The following PCDHGA3 variants were observed in gnomAD, a reference collection of about 807,000 sequenced individuals.
PCDHGA3 encodes the protein protocadherin gamma-A3.
In PCDHGA3, 40 loss-of-function variants were observed where a neutral mutation model predicts 58.5. The observed-to-expected ratio is 0.68, with a 90% CI of 0.53 to 0.89. PCDHGA3 has a LOEUF of 0.89. Ranked by LOEUF, PCDHGA3 falls within the 40% of genes least tolerant of loss-of-function variation. The pLI is 0.00. For synonymous variants in PCDHGA3, 530 were observed against 525.7 expected (o/e 1.01, Z -0.11); for missense variants, 1,223 against 1,195.9 (o/e 1.02, Z -0.33).
chr5:141,426,898 C>G (rs1246109323), intron 1 of PCDHGA3: 3 of 456,634 alleles, frequency 6.6e-6, no homozygotes, highest in Admixed American at 4.7e-5. Context: ...CAACAGAGCT[C>G]TCATCTCCTG....
At chr5:141,426,655 A>C (rs2096950037) in intron 1 of PCDHGA3, 1 of 424,748 alleles carries the variant, frequency 2.4e-6, no homozygotes, top group Non-Finnish European at 4.8e-6. Flanking sequence ...ATGATAGAAG[A>C]TATAAATGAT....
rs759226115 is a variant in PCDHGA3 at position 141,405,385 on chromosome 5, AT to A, written c.2424+58936del. On this transcript the variant is annotated intron_variant, in intron 1 of 3. Transcript: ENST00000253812. ...ACACCCCTTTGGTTCCGGTGAGTTC[AT>A]TTTTTTTCTTTCTTTCTTTTCTTTT... 1.8e-5 allele frequency: 29 copies of A among 1,599,886 alleles called. No homozygotes were observed. In the East Asian group the frequency reaches 2.2e-4, roughly 12 times the overall value.
chr5:141,362,633 T>G (rs1561527667), intron 1 of PCDHGA3: 1 of 1,490,046 alleles, frequency 6.7e-7, no homozygotes, highest in Non-Finnish European at 9.0e-7. Flanking sequence ...CACTGCGTAT[T>G]TCTTTGTCTG....
rs762910422 is a variant in PCDHGA3, at chr5:141,485,747, C to T, written c.2425-9060C>T. ...GAAGCGCAGCGACGGCAGCCTGGTCCCAGAGCTGCTCCTGGAGAAGCCTTT... is the reference window on the plus strand; with the variant it reads ...GAAGCGCAGCGACGGCAGCCTGGTCTCAGAGCTGCTCCTGGAGAAGCCTTT... On this transcript the variant is annotated intron_variant, in intron 1 of 3. Coordinates refer to ENST00000253812, the MANE Select transcript of PCDHGA3 (RefSeq NM_018916.4). This position sits in a 1 kb window ranked among gnomAD's most constrained non-coding sequence, Gnocchi z 5.7. 1 of 1,614,162 alleles carries T rather than the reference C, an allele frequency of 6.2e-7. No individual in the cohort carries two copies.
At chr5:141,458,513 G>GT (rs537551567) in intron 1 of PCDHGA3, among the ~76,000 whole-genome samples, 9,886 of 146,106 alleles carry the variant, frequency 0.068, 671 homozygotes, top group African/African-American at 0.18. Flanking sequence ...TTGACACTTT[G>GT]TTTTTTTTTT....
chr5:141,476,366 G>T lies in PCDHGA3; in HGVS notation c.2425-18441G>T, dbSNP rs1025903110. The T allele has an allele frequency of 6.2e-7, 1 of 1,614,026 alleles. No individual in the cohort carries two copies. The highest frequency in any genetic ancestry group is 8.5e-7 in the Non-Finnish European group (1 of 1,180,028). On this transcript the variant is annotated intron_variant, in intron 1 of 3. Coordinates refer to ENST00000253812, the MANE Select transcript of PCDHGA3 (RefSeq NM_018916.4). The surrounding 1 kb of genome is among the most constrained non-coding windows in gnomAD (Gnocchi z 7.6). The stretch of plus-strand genomic sequence containing the variant: ...ATTCTTTGAGGTGAACCGGGAGACC[G>T]GAGAGATGTTTGTGAACGACCGTCT...
Position 141,491,075 on chromosome 5 carries a change from A to G in PCDHGA3, c.2425-3732A>G, listed in dbSNP as rs147291399. ...TGGCTCTCCTACTCACTGTTGCCAC[A>G]GTCCACAGCCCCAGGACTGTTCCTC... is the stretch of plus-strand genomic sequence containing the variant. On this transcript the variant is annotated intron_variant, in intron 1 of 3. Coordinates refer to ENST00000253812, the MANE Select transcript of PCDHGA3 (RefSeq NM_018916.4). This position sits in a 1 kb window ranked among gnomAD's most constrained non-coding sequence, Gnocchi z 6.9. 1.2e-6 allele frequency: 2 copies of G among 1,614,080 alleles called. No individual in the cohort carries two copies. Among genetic ancestry groups the G allele is most frequent in the Non-Finnish European group, 8.5e-7 (1 of 1,180,042 alleles).
At chr5:141,353,412 A>T (rs1414392171) in intron 1 of PCDHGA3, among the ~76,000 whole-genome samples, 1 of 152,176 alleles carries the variant, frequency 6.6e-6, no homozygotes, top group Non-Finnish European at 1.5e-5. Context: ...ATCTTCATCA[A>T]TTACATTCTA....
chr5:141,427,611 G>A (rs747386422), intron 1 of PCDHGA3: 22 of 691,570 alleles, frequency 3.2e-5, no homozygotes, highest in Non-Finnish European at 5.5e-5. Context: ...CATTGGTGAA[G>A]TCAACGACAA....
chr5:141,423,766 C>A, intron 1 of PCDHGA3: 1 of 1,110,086 alleles, frequency 9.0e-7, no homozygotes, highest in Non-Finnish European at 1.1e-6. Context: ...GGGGGTGGGG[C>A]GGCATATATT....
chr5:141,371,489 C>G (rs548103153), intron 1 of PCDHGA3: 1 of 1,613,918 alleles, frequency 6.2e-7, no homozygotes, highest in Non-Finnish European at 8.5e-7. Context: ...TGGGGACTGC[C>G]GTTGCCCTGA....
chr5:141,375,369 C>A lies in PCDHGA3; in HGVS notation c.2424+28912C>A. On this transcript the variant is annotated intron_variant, in intron 1 of 3. Coordinates refer to ENST00000253812, the MANE Select transcript of PCDHGA3 (RefSeq NM_018916.4). ...ACTGTGACAGCCACGGACAAAGGAA[C>A]ACCACCTCTGTCTACAGAAACAATC... 1 of 1,613,892 alleles carries A rather than the reference C, an allele frequency of 6.2e-7. No individual in the cohort carries two copies. Among genetic ancestry groups the A allele is most frequent in the South Asian group, 1.1e-5 (1 of 91,084 alleles).
intron 1 of PCDHGA3, chr5:141,375,875 T>C: frequency 6.2e-7 from 1 of 1,613,778 alleles, no homozygotes; most frequent in Non-Finnish European, 8.5e-7. Flanking sequence ...GGACAGAGAC[T>C]CGGGCCAGAA....
chr5:141,372,091 C>A, intron 1 of PCDHGA3: 2 of 1,613,774 alleles, frequency 1.2e-6, no homozygotes, highest in Non-Finnish European at 1.7e-6. Flanking sequence ...CTGTACCCAG[C>A]TCTGGGGCCC....
At position 141,511,146 on chromosome 5, in the gene PCDHGA3, G is replaced by T; in HGVS notation, c.2772G>T (p.Lys924Asn). 1 of 1,614,208 alleles carries T rather than the reference G, an allele frequency of 6.2e-7. No individual in the cohort carries two copies. Among genetic ancestry groups the T allele is most frequent in the Non-Finnish European group, 8.5e-7 (1 of 1,180,018 alleles). The change falls in exon 4 of 4, where the codon AAG becomes AAT. Residue 924 changes from lysine to asparagine, a missense_variant. Lys to Asn is a moderately conservative substitution (Grantham distance 94). Coordinates refer to ENST00000253812, the MANE Select transcript of PCDHGA3 (RefSeq NM_018916.4). Reference protein sequence around the residue: ...KAPAGGNGNKKKSGKKEKK With the variant: ...KAPAGGNGNKNKSGKKEKK The stretch of plus-strand genomic sequence containing the variant: ...CAGCAGGTGGCAATGGCAACAAGAA[G>T]AAGTCGGGCAAGAAGGAGAAGAAGT...
Position 141,490,924 on chromosome 5 carries a change from C to A in PCDHGA3, c.2425-3883C>A. 1 of 1,613,680 alleles carries A rather than the reference C, an allele frequency of 6.2e-7. No individual in the cohort carries two copies. Among genetic ancestry groups the A allele is most frequent in the Non-Finnish European group, 8.5e-7 (1 of 1,179,694 alleles). On this transcript the variant is annotated intron_variant, in intron 1 of 3. Coordinates refer to ENST00000253812, the MANE Select transcript of PCDHGA3 (RefSeq NM_018916.4). The surrounding 1 kb of genome is among the most constrained non-coding windows in gnomAD (Gnocchi z 5.4). ...TGTCCTAGACGAGAATGATAATGCC[C>A]CAGCTGTGCTGCACCCACGGCCAGA...
chr5:141,415,755 T>C (rs753465209), intron 1 of PCDHGA3: 19 of 1,387,632 alleles, frequency 1.4e-5, no homozygotes, highest in Middle Eastern at 2.6e-4. Flanking sequence ...TTTTTTTTTT[T>C]TTTTTTTTTT....
At chr5:141,383,236 A>G in intron 1 of PCDHGA3, 1 of 1,613,978 alleles carries the variant, frequency 6.2e-7, no homozygotes, top group Non-Finnish European at 8.5e-7. Context: ...GATGGAAGAT[A>G]AAATGAATCT....
rs1390739125 is a variant in PCDHGA3 at position 141,490,094 on chromosome 5, C to T, written c.2425-4713C>T. ...CTAGACTATTCTTTTGGAGACCACA[C>T]ATCTGAGGCAGTGCGGAACCTCTTT... On this transcript the variant is annotated intron_variant, in intron 1 of 3. Coordinates refer to ENST00000253812, the MANE Select transcript of PCDHGA3 (RefSeq NM_018916.4). This position sits in a 1 kb window ranked among gnomAD's most constrained non-coding sequence, Gnocchi z 5.4. 1 of 1,614,250 alleles carries T rather than the reference C, an allele frequency of 6.2e-7. No individual in the cohort carries two copies. The highest frequency in any genetic ancestry group is 2.2e-5 in the East Asian group (1 of 44,888).
Sources: allele counts gnomAD v4.1 joint callset (sites outside exome capture counted in the v4.1 genomes callset), GRCh38; gene constraint gnomAD v4.1.1; non-coding constraint Gnocchi (gnomAD v3.1); transcripts MANE v1.5; gene names NCBI Gene and HGNC (gene_info 2026-07-23, HGNC 2026-07-21).